CLNK: variants seen among roughly 807,000 people sequenced by gnomAD.
The protein encoded by CLNK is cytokine dependent hematopoietic cell linker.
A neutral mutation model predicts 68.6 loss-of-function variants in CLNK; 74 were observed. The observed-to-expected ratio is 1.08, with a 90% CI of 0.89 to 1.31. The LOEUF is 1.31. CLNK is among the 50% of genes most tolerant of loss of function. The pLI is 0.00. For synonymous variants in CLNK, 198 were observed against 172.2 expected (o/e 1.15, Z -1.17); for missense variants, 553 against 515.3 (o/e 1.07, Z -0.71).
chr4:10,658,435 G>A (rs1376210427), intron 2 of CLNK, among the ~76,000 whole-genome samples: 1 of 152,160 alleles, frequency 6.6e-6, no homozygotes, highest in Admixed American at 6.5e-5. Context: ...AGCTTAAAAC[G>A]ACGGTTTGTT....
At chr4:10,535,302 G>T (rs1718715519) in intron 11 of CLNK, among the ~76,000 whole-genome samples, 1 of 151,716 alleles carries the variant, frequency 6.6e-6, no homozygotes, top group Non-Finnish European at 1.5e-5. Context: ...TGGGTGTTTT[G>T]TTTCTTAAAT....
intron 8 of CLNK, among the ~76,000 whole-genome samples, chr4:10,551,946 C>T (rs1170442637): frequency 1.3e-5 from 2 of 151,284 alleles, no homozygotes; most frequent in African/African-American, 4.9e-5. Context: ...CTCCCAGGTT[C>T]AAGCAATTCT....
At chr4:10,567,734 T>C (rs1720176764) in intron 5 of CLNK, among the ~76,000 whole-genome samples, 1 of 152,222 alleles carries the variant, frequency 6.6e-6, no homozygotes, top group African/African-American at 2.4e-5. Context: ...GATCTAAGGA[T>C]AAATAACCAA....
At chr4:10,669,807 G>T (rs1724556549) in intron 1 of CLNK, among the ~76,000 whole-genome samples, 1 of 152,166 alleles carries the variant, frequency 6.6e-6, no homozygotes, top group South Asian at 2.1e-4. Context: ...GCAGGGAAAG[G>T]GGAGGCGGCT....
chr4:10,591,537 C>T (rs987315027), intron 3 of CLNK, among the ~76,000 whole-genome samples: 1 of 152,146 alleles, frequency 6.6e-6, no homozygotes, highest in Non-Finnish European at 1.5e-5. Context: ...TGAATGAATG[C>T]CACAGGCACA....
chr4:10,708,001 T>A, the CLNK span, among the ~76,000 whole-genome samples: 1 of 152,166 alleles, frequency 6.6e-6, no homozygotes, highest in Non-Finnish European at 1.5e-5. Flanking sequence ...CACTGAGCGC[T>A]GAAAGCAAAG....
chr4:10,578,762 G>C (rs879585204), intron 4 of CLNK, among the ~76,000 whole-genome samples: 2 of 151,418 alleles, frequency 1.3e-5, no homozygotes, highest in East Asian at 1.9e-4. Context: ...AGTAAAGATG[G>C]GATTTTACCA....
At chr4:10,606,059 A>T (rs1476379417) in intron 2 of CLNK, among the ~76,000 whole-genome samples, 1 of 151,986 alleles carries the variant, frequency 6.6e-6, no homozygotes, top group Admixed American at 6.6e-5. Flanking sequence ...GCTTACTGTA[A>T]TTTTTTATGT....
At chr4:10,511,042 A>G (rs573731662) in intron 16 of CLNK, among the ~76,000 whole-genome samples, 1 of 152,292 alleles carries the variant, frequency 6.6e-6, no homozygotes, top group South Asian at 2.1e-4. Flanking sequence ...AATCCCAGAT[A>G]CTTGGGAGGC....
chr4:10,564,467 T>G (rs1188709764), intron 7 of CLNK, among the ~76,000 whole-genome samples: 2 of 152,210 alleles, frequency 1.3e-5, no homozygotes, highest in Admixed American at 1.3e-4. Context: ...TGAATTATCC[T>G]TCTTTCTAGA....
At chr4:10,725,481 G>T in the CLNK span, among the ~76,000 whole-genome samples, 3 of 152,064 alleles carry the variant, frequency 2.0e-5, no homozygotes, top group South Asian at 2.1e-4. Context: ...GCCCGTGCAG[G>T]TTCCTCGGCC....
Position 10,603,955 on chromosome 4 carries a change from A to C in CLNK, c.12-5906T>G, listed in dbSNP as rs142334729. On this transcript the variant is annotated intron_variant, in intron 2 of 18. Coordinates refer to ENST00000226951, the MANE Select transcript of CLNK (RefSeq NM_052964.4). ...TTATATTTTTTAGTAGAAGAGAATG[A>C]GAAGGAGCAGAAAGAAGGAGAAAGG... Among the ~76,000 whole-genome samples the C allele has an allele frequency of 1.3e-3, 201 of 152,334 alleles. 7 individuals are homozygous for C. The East Asian group carries it at 0.036, about 28-fold the overall frequency.
chr4:10,540,506 T>C lies in CLNK; in HGVS notation c.590A>G (p.Gln197Arg). Reference sequence around the variant, plus strand: ...ATGAATCTCTCACCTGGGCATTCTCTGGACTTCTGGAAAGGTGTGTCTCTG... The same window carrying C: ...ATGAATCTCTCACCTGGGCATTCTCCGGACTTCTGGAAAGGTGTGTCTCTG... ...LSQRHTFPEV[Q>R]RMPSQISLRD... The change falls in exon 11 of 19, where the codon CAG (glutamine) becomes CGG (arginine). Residue 197 changes from glutamine (Q) to arginine (R), a missense_variant. Physicochemically the swap from Gln to Arg is conservative, Grantham distance 43. Transcript: ENST00000226951. The C allele has an allele frequency of 6.2e-7, 1 of 1,611,890 alleles. No homozygotes were observed. The highest frequency in any genetic ancestry group is 8.5e-7 in the Non-Finnish European group (1 of 1,177,992).
At chr4:10,628,931 G>A (rs78975892) in intron 2 of CLNK, among the ~76,000 whole-genome samples, 4,148 of 152,110 alleles carry the variant, frequency 0.027, 91 homozygotes, top group Middle Eastern at 0.085. Context: ...AACACACCTG[G>A]GCAGACTTTT....
At chr4:10,722,732 T>C in the CLNK span, among the ~76,000 whole-genome samples, 1 of 152,148 alleles carries the variant, frequency 6.6e-6, no homozygotes, top group African/African-American at 2.4e-5. Context: ...AAGAGCACCA[T>C]TACAAAATTT....
chr4:10,513,832 AATTATT>A (rs772040482), intron 15 of CLNK, among the ~76,000 whole-genome samples: 11 of 145,660 alleles, frequency 7.6e-5, no homozygotes, highest in Admixed American at 2.1e-4. Flanking sequence ...TTTTTTTTTA[AATTATT>A]ATTATTATTA....
At chr4:10,731,168 T>C in the CLNK span, among the ~76,000 whole-genome samples, 1 of 152,238 alleles carries the variant, frequency 6.6e-6, no homozygotes, top group Non-Finnish European at 1.5e-5. Flanking sequence ...CATTAGACCA[T>C]ATTCCTTCTA....
At chr4:10,698,125 G>C in the CLNK span, among the ~76,000 whole-genome samples, 1 of 152,168 alleles carries the variant, frequency 6.6e-6, no homozygotes, top group South Asian at 2.1e-4. Flanking sequence ...ATTAACTCAG[G>C]AGGTGGTTTG....
intron 12 of CLNK, among the ~76,000 whole-genome samples, chr4:10,528,963 T>C (rs1313643715): frequency 6.6e-6 from 1 of 152,242 alleles, no homozygotes; most frequent in Admixed American, 6.5e-5. Context: ...TATGGAAATG[T>C]TCATGCTTAT....
Sources: gnomAD v4.1 joint callset for allele counts (sites outside exome capture counted in the v4.1 genomes callset) on GRCh38, gnomAD v4.1.1 for gene constraint, MANE v1.5 for transcripts, NCBI Gene and HGNC (gene_info 2026-07-23, HGNC 2026-07-21) for gene names.